HUWE1: variants seen among roughly 807,000 people sequenced by gnomAD.
HUWE1 encodes the protein HECT, UBA and WWE domain containing E3 ubiquitin protein ligase 1, also known as E3 ubiquitin-protein ligase HUWE1.
HUWE1 carries 18 observed loss-of-function variants against 299.4 expected under a neutral mutation model. That is an observed-to-expected ratio of 0.06 (90% CI 0.04 to 0.09). HUWE1 has a LOEUF of 0.09. Ranked by LOEUF, HUWE1 falls within the 10% of genes least tolerant of loss-of-function variation. The pLI is 1.00. For synonymous variants in HUWE1, 1,317 were observed against 1,286.1 expected (o/e 1.02, Z -0.51); for missense variants, 1,832 against 3,462.3 (o/e 0.53, Z 11.82).
chrX:53,682,133 C>A lies in HUWE1; in HGVS notation c.-162-1947G>T, dbSNP rs1329488299. Among the ~76,000 whole-genome samples, 4 of 112,431 alleles carry A rather than the reference C, an allele frequency of 3.6e-5. No individual in the cohort carries two copies. In the Admixed American group the frequency reaches 3.8e-4, roughly 11 times the overall value. ...ATAAAATTAGCATATGACACAGGTA[C>A]ATCTACCAATGCATTCTTACACCAA... is the stretch of plus-strand genomic sequence containing the variant. On this transcript the variant is annotated intron_variant, in intron 2 of 83. Transcript: ENST00000262854.
At chrX:53,664,854 A>T (rs1448097503) in intron 3 of HUWE1, among the ~76,000 whole-genome samples, 1 of 111,324 alleles carries the variant, frequency 9.0e-6, no homozygotes, top group Non-Finnish European at 1.9e-5. Context: ...ATGATTTGTT[A>T]AAGGGGACAC....
At chrX:53,549,566 T>C in intron 66 of HUWE1, 61 bp from the exon 67 acceptor site, 10 of 991,638 alleles carry the variant, frequency 1.0e-5, no homozygotes, top group Non-Finnish European at 1.4e-5. Context: ...GGATTAGGCA[T>C]AAGAATGGGG....
chrX:53,571,093 T>TATA (rs2062803904), intron 47 of HUWE1, among the ~76,000 whole-genome samples: 2 of 112,219 alleles, frequency 1.8e-5, no homozygotes, highest in Non-Finnish European at 3.8e-5. Flanking sequence ...TACTTACCTC[T>TATA]TTGAGCCTTC....
intron 2 of HUWE1, chrX:53,680,530 C>G (rs951167344): frequency 2.1e-4 from 24 of 114,310 alleles, no homozygotes; most frequent in Non-Finnish European, 3.6e-4. Flanking sequence ...AAAAAAACAA[C>G]AACTGTACAT....
At chrX:53,604,521 G>A in intron 26 of HUWE1, 68 bp downstream of exon 26, 1 of 1,116,183 alleles carries the variant, frequency 9.0e-7, no homozygotes, top group Non-Finnish European at 1.2e-6. Context: ...TAGTAACCCT[G>A]CTAGGTGTAT....
At chrX:53,547,227 T>G (rs1359386784) in intron 68 of HUWE1, among the ~76,000 whole-genome samples, 2 of 112,189 alleles carry the variant, frequency 1.8e-5, no homozygotes, top group African/African-American at 6.5e-5. Context: ...GCAGGGCTCA[T>G]TACCTTTATT....
chrX:53,535,924 T>TG (rs1456458781), intron 80 of HUWE1: 1 of 224,618 alleles, frequency 4.5e-6, no homozygotes, highest in South Asian at 8.0e-5. Context: ...GTACTGGAGT[T>TG]TTTTTTTTTT....
At chrX:53,592,302 C>G (rs373517166) in intron 33 of HUWE1, 96 bp downstream of exon 33, 1 of 618,073 alleles carries the variant, frequency 1.6e-6, no homozygotes, top group Non-Finnish European at 2.7e-6. Flanking sequence ...TTAATGTGAC[C>G]AGGGACTCAG....
At chrX:53,650,814 T>C (rs2068411286) in intron 4 of HUWE1, among the ~76,000 whole-genome samples, 1 of 111,527 alleles carries the variant, frequency 9.0e-6, no homozygotes, top group Non-Finnish European at 1.9e-5. Flanking sequence ...CTTAAAAATG[T>C]CCATAACCAG....
In HUWE1 at chrX:53,539,830, G is replaced by C. The variant is rs781972669; in HGVS notation, c.11477-18C>G. 2 of 1,198,871 alleles carry C rather than the reference G, an allele frequency of 1.7e-6. No individual in the cohort carries two copies. The highest frequency in any genetic ancestry group is 1.1e-6 in the Non-Finnish European group (1 of 887,836). On this transcript the variant is annotated intron_variant, in intron 74 of 83. Transcript: ENST00000262854. ...ATCGGAGGCTGGAGGGCACACAGAA[G>C]AGAGTCAGAAAGTCTTCAAAATTTC...
intron 5 of HUWE1, 53 bp from the exon 6 acceptor site, chrX:53,647,627 G>C: frequency 1.1e-6 from 1 of 912,170 alleles, no homozygotes; most frequent in Non-Finnish European, 1.6e-6. Flanking sequence ...GCGCCGCATG[G>C]GTGCTTTCTA....
At chrX:53,657,830 A>C (rs2068817260) in intron 3 of HUWE1, among the ~76,000 whole-genome samples, 1 of 109,969 alleles carries the variant, frequency 9.1e-6, no homozygotes, top group Admixed American at 9.7e-5. Flanking sequence ...CGGGCGGATC[A>C]CAAGGTCAGG....
At chrX:53,666,861 T>C (rs977236990) in intron 3 of HUWE1, among the ~76,000 whole-genome samples, 1 of 111,838 alleles carries the variant, frequency 8.9e-6, no homozygotes, top group Admixed American at 9.5e-5. Flanking sequence ...CATTTATTAA[T>C]AGCAGATTAA....
chrX:53,560,131 GCA>G, intron 56 of HUWE1, 55 bp downstream of exon 56: 1 of 978,658 alleles, frequency 1.0e-6, no homozygotes, highest in Non-Finnish European at 1.4e-6. Flanking sequence ...CAATGCTAAA[GCA>G]CAGTGAAAAT....
At chrX:53,595,987 T>C (rs1602972539) in intron 29 of HUWE1, among the ~76,000 whole-genome samples, 1 of 112,513 alleles carries the variant, frequency 8.9e-6, no homozygotes, top group Non-Finnish European at 1.9e-5. Flanking sequence ...TATAAACATA[T>C]GTAAAAGAAA....
rs2063059216 is a variant in HUWE1 at position 53,575,496 on chromosome X, C to G, written c.6030+147G>C. 7.7e-6 allele frequency: 5 copies of G among 647,289 alleles called. No individual in the cohort carries two copies. The South Asian group carries it at 1.1e-4, about 14-fold the overall frequency. The allele number at this position is 647,289 out of a possible 1,213,427, so 53.3% of individuals were successfully genotyped here. ...AGAAAAAAAAGTCTCCAGGGACACC[C>G]CAATTTTGTCTTTACAGGCAACAGA... is the stretch of plus-strand genomic sequence containing the variant. On this transcript the variant is annotated intron_variant, in intron 45 of 83. Transcript: ENST00000262854.
At chrX:53,535,980 G>C (rs1556912472) in intron 80 of HUWE1, 167 bp downstream of exon 80, 11 of 327,076 alleles carry the variant, frequency 3.4e-5, no homozygotes, top group Non-Finnish European at 1.1e-5. Flanking sequence ...TGCAAATTCT[G>C]GTTTTCCTGT....
At chrX:53,614,127 T>G (rs2065660159) in intron 23 of HUWE1, among the ~76,000 whole-genome samples, 1 of 110,348 alleles carries the variant, frequency 9.1e-6, no homozygotes. Context: ...TAGCCAAGTG[T>G]GGTGGTAGGT....
In HUWE1 at chrX:53,548,218, T is replaced by C; in HGVS notation, c.10091A>G (p.Asp3364Gly). 1.7e-6 allele frequency: 2 copies of C among 1,210,236 alleles called. No homozygotes were observed. The highest frequency in any genetic ancestry group is 2.2e-6 in the Non-Finnish European group (2 of 894,633). ...QRTKETNCESDRERGNKACSP... is the reference protein window; with the variant it reads ...QRTKETNCESGRERGNKACSP... ...ACAGGCCTTATTGCCCCTTTCCCGA[T>C]CACTCTCACAGTTTGTTTCTTTGGT... The change falls in exon 68 of 84, where the codon GAT (aspartate) becomes GGT (glycine). Residue 3364 changes from aspartate to glycine, a missense_variant. By Grantham distance (94) the Asp-to-Gly change is moderately conservative. This residue lies in a region of HUWE1 where 80 missense variants were observed against 142.1 expected (regional missense o/e 0.56). Transcript: ENST00000262854.
Sources: gnomAD v4.1 joint callset for allele counts (sites outside exome capture counted in the v4.1 genomes callset) on GRCh38, gnomAD v4.1.1 for gene constraint, gnomAD v4.1.1 regional missense constraint, MANE v1.5 for transcripts, NCBI Gene and HGNC (gene_info 2026-07-23, HGNC 2026-07-21) for gene names.